Variants in PEX7 observed in about 807,000 individuals in gnomAD.
PEX7 encodes peroxisomal biogenesis factor 7.
In PEX7, 34 loss-of-function variants were observed where a neutral mutation model predicts 47.5. The observed-to-expected ratio is 0.72, with a 90% CI of 0.54 to 0.95. The LOEUF is 0.95. Among genes scored for constraint, PEX7 ranks in the 40% least tolerant of loss-of-function variants. The probability of loss-of-function intolerance (pLI) is 0.00; values close to 1 mark genes in which losing one functional copy is unlikely to be tolerated. For synonymous variants in PEX7, 141 were observed against 148.8 expected, an observed-to-expected ratio of 0.95 and a Z score of 0.38; for missense variants, 394 against 400.3, an observed-to-expected ratio of 0.98 and a Z score of 0.13.
intron 1 of PEX7, 135 bp downstream of exon 1, chr6:136,822,930 G>A: frequency 8.3e-7 from 1 of 1,210,144 alleles, no homozygotes; most frequent in East Asian, 3.6e-5. Flanking sequence ...GGGGGCAGAA[G>A]AGGCGCTGGT....
chr6:136,832,840 A>G (rs1228613785), intron 3 of PEX7, among the ~76,000 whole-genome samples: 1 of 152,172 alleles, frequency 6.6e-6, no homozygotes, highest in Non-Finnish European at 1.5e-5. Context: ...TAAGTTCGTC[A>G]TCTCTATTTG....
chr6:136,826,593 A>G (rs1774197612), intron 3 of PEX7, 124 bp downstream of exon 3: 5 of 1,088,150 alleles, frequency 4.6e-6, no homozygotes, highest in African/African-American at 1.6e-5. Context: ...CATTTCTTAT[A>G]CATACTAGAT....
intron 3 of PEX7, among the ~76,000 whole-genome samples, chr6:136,834,765 CTG>C (rs879718870): frequency 2.7e-5 from 4 of 150,878 alleles, no homozygotes; most frequent in Non-Finnish European, 5.9e-5. Flanking sequence ...GGGCCACACA[CTG>C]TGGGCAGAAA....
At chr6:136,902,954 G>T (rs1219856318) in intron 9 of PEX7, among the ~76,000 whole-genome samples, 1 of 151,956 alleles carries the variant, frequency 6.6e-6, no homozygotes, top group Non-Finnish European at 1.5e-5. Context: ...TTTTCCTCAT[G>T]ACAAAATTTT....
chr6:136,904,191 A>T (rs1201448363), intron 9 of PEX7, among the ~76,000 whole-genome samples: 1 of 152,190 alleles, frequency 6.6e-6, no homozygotes, highest in East Asian at 1.9e-4. Flanking sequence ...TCTGTCACAG[A>T]CTAGCTTTAG....
chr6:136,871,475 T>G (rs1775180488), intron 7 of PEX7, among the ~76,000 whole-genome samples: 1 of 152,234 alleles, frequency 6.6e-6, no homozygotes, highest in Non-Finnish European at 1.5e-5. Context: ...TTTGTAAAAT[T>G]GGTAAATTAT....
chr6:136,846,057 A>C lies in PEX7; in HGVS notation c.418-16A>C. 15 of 1,464,302 alleles carry C rather than the reference A, an allele frequency of 1.0e-5. No individual in the cohort carries two copies. Among genetic ancestry groups the C allele is most frequent in the Non-Finnish European group, 1.4e-5 (15 of 1,043,698 alleles). 90.7% of individuals were successfully genotyped at this position (1,464,302 alleles called of 1,614,324 possible). On this transcript the variant is annotated splice_polypyrimidine_tract_variant and intron_variant, in intron 4 of 9. Coordinates refer to ENST00000318471, the MANE Select transcript of PEX7 (RefSeq NM_000288.4). ...AATTTATCCCTCAAGTAATTGATCT[A>C]TTCATTTATTTGTAGTGGGATCCAA...
At chr6:136,837,177 G>A (rs192688759) in intron 3 of PEX7, among the ~76,000 whole-genome samples, 24 of 151,528 alleles carry the variant, frequency 1.6e-4, no homozygotes, top group Admixed American at 1.3e-3. Flanking sequence ...TGGCTAACAC[G>A]GTGAAACCCT....
At chr6:136,889,986 A>T (rs188412478) in intron 8 of PEX7, among the ~76,000 whole-genome samples, 2 of 152,186 alleles carry the variant, frequency 1.3e-5, no homozygotes, top group African/African-American at 2.4e-5. Flanking sequence ...TAGTAAGCCT[A>T]TTTACTTAGA....
Position 136,849,947 on chromosome 6 carries a change from G to A in PEX7, c.526+3766G>A, listed in dbSNP as rs537075680. 5.9e-5 allele frequency among the ~76,000 whole-genome samples: 9 copies of A among 152,270 alleles called. No homozygotes were observed. In the East Asian group the frequency reaches 1.7e-3, roughly 29 times the overall value. ...CTCGTTGATCTGTCTAATGTTGACA[G>A]TGGGGTGTTAAAGTCTCCCATTATT... On this transcript the variant is annotated intron_variant, in intron 5 of 9. Coordinates refer to ENST00000318471, the MANE Select transcript of PEX7 (RefSeq NM_000288.4).
intron 3 of PEX7, among the ~76,000 whole-genome samples, chr6:136,833,017 G>T (rs1034906190): frequency 9.9e-5 from 15 of 152,268 alleles, no homozygotes; most frequent in Non-Finnish European, 2.1e-4. Flanking sequence ...AAGTTGCTTT[G>T]ACATTTTCAG....
intron 2 of PEX7, among the ~76,000 whole-genome samples, chr6:136,825,749 G>C (rs1774175950): frequency 6.6e-6 from 1 of 152,060 alleles, no homozygotes; most frequent in African/African-American, 2.4e-5. Context: ...TGGCCAGGCT[G>C]GTCTCAAACT....
intron 8 of PEX7, among the ~76,000 whole-genome samples, chr6:136,887,520 T>C (rs1775486229): frequency 6.6e-6 from 1 of 152,212 alleles, no homozygotes; most frequent in African/African-American, 2.4e-5. Context: ...TCAAAGTTGC[T>C]GAAAACCAGC....
At chr6:136,907,075 C>T (rs989274126) in intron 9 of PEX7, among the ~76,000 whole-genome samples, 2 of 152,042 alleles carry the variant, frequency 1.3e-5, no homozygotes, top group Non-Finnish European at 2.9e-5. Context: ...TGCTCTCCTC[C>T]GCCTCTGCCT....
At chr6:136,894,327 C>T (rs996307911) in intron 8 of PEX7, among the ~76,000 whole-genome samples, 4 of 151,884 alleles carry the variant, frequency 2.6e-5, no homozygotes, top group East Asian at 1.9e-4. Flanking sequence ...GATGGTGGCA[C>T]GTGCCTGTAA....
At chr6:136,911,816 A>C (rs551016737) in intron 9 of PEX7, among the ~76,000 whole-genome samples, 2 of 152,326 alleles carry the variant, frequency 1.3e-5, no homozygotes, top group East Asian at 3.9e-4. Flanking sequence ...TGGGAGTGGA[A>C]TTACTGGGTC....
At chr6:136,838,498 C>A (rs114837510) in intron 3 of PEX7, among the ~76,000 whole-genome samples, 1,720 of 152,184 alleles carry the variant, frequency 0.011, 35 homozygotes, top group African/African-American at 0.039. Flanking sequence ...GACATAACAG[C>A]TAAGTGTAAA....
Position 136,869,904 on chromosome 6 carries a change from CG to C in PEX7, c.652del (p.Ala218ArgfsTer6). 6.2e-7 allele frequency: 1 copy of C among 1,613,608 alleles called. No homozygotes were observed. The highest frequency in any genetic ancestry group is 8.5e-7 in the Non-Finnish European group (1 of 1,179,626). ...CKYNENLLVT[G>X]AVDCSLRGWD... ...ATTGTTTTTAGAATTTGCTGGTGAC[CG>C]GGGCGGTTGACTGTAGTTTGAGAGG... On this transcript the variant is annotated frameshift_variant, in exon 7 of 10. Coordinates refer to ENST00000318471, the MANE Select transcript of PEX7 (RefSeq NM_000288.4). LOFTEE classifies it high-confidence loss of function.
rs796593046 is a variant in PEX7, at chr6:136,880,483, G to A, written c.803+8230G>A. ...TCCTGCCCTCTCTGTACCATTCAGTGTTCCCCACACTGTCCTTGCCATTCA... is the reference window on the plus strand; with the variant it reads ...TCCTGCCCTCTCTGTACCATTCAGTATTCCCCACACTGTCCTTGCCATTCA... On this transcript the variant is annotated intron_variant, in intron 8 of 9. Transcript: ENST00000318471. Among the ~76,000 whole-genome samples, 9 of 152,298 alleles carry A rather than the reference G, an allele frequency of 5.9e-5. 1 individual carries two copies. Among genetic ancestry groups the A allele is most frequent in the African/African-American group, 1.7e-4 (7 of 41,572 alleles).
Sources: allele counts gnomAD v4.1 joint callset (sites outside exome capture counted in the v4.1 genomes callset), GRCh38; gene constraint gnomAD v4.1.1; transcripts MANE v1.5; gene names NCBI Gene and HGNC (gene_info 2026-07-23, HGNC 2026-07-21).